The following MAPRE2 variants were observed in gnomAD, a reference collection of about 807,000 sequenced individuals.
MAPRE2 encodes the protein microtubule associated protein RP/EB family member 2, also known as microtubule-associated protein RP/EB family member 2.
MAPRE2 carries 13 observed loss-of-function variants against 43.2 expected under a neutral mutation model. The ratio of observed to expected loss-of-function variants is 0.30; its 90% CI spans 0.20 to 0.48. The LOEUF (loss-of-function observed/expected upper bound fraction) is 0.48. Ranked by LOEUF, MAPRE2 falls within the 20% of genes least tolerant of loss-of-function variation. The pLI is 0.99. For synonymous variants in MAPRE2, 135 were observed against 148.8 expected, an observed-to-expected ratio of 0.91 and a Z score of 0.68; for missense variants, 161 against 400.2, an observed-to-expected ratio of 0.40 and a Z score of 5.10.
At chr18:35,029,474 A>C (rs1237439918) in intron 2 of MAPRE2, among the ~76,000 whole-genome samples, 1 of 152,310 alleles carries the variant, frequency 6.6e-6, no homozygotes, top group African/African-American at 2.4e-5. Context: ...GAACTCTGGA[A>C]GTCCCTGGTA....
intron 1 of MAPRE2, among the ~76,000 whole-genome samples, chr18:35,060,876 A>G (rs145240840): frequency 3.9e-4 from 60 of 152,298 alleles, no homozygotes; most frequent in Non-Finnish European, 7.8e-4. Context: ...GGAATGTCCT[A>G]TTGTAGGCGG....
chr18:35,008,534 A>G (rs928677933), intron 2 of MAPRE2, among the ~76,000 whole-genome samples: 3 of 152,224 alleles, frequency 2.0e-5, no homozygotes, highest in African/African-American at 7.2e-5. Flanking sequence ...TGTGAGTCAC[A>G]GCATCTTTTA....
chr18:35,094,400 A>G (rs943503671), intron 2 of MAPRE2, among the ~76,000 whole-genome samples: 2 of 152,228 alleles, frequency 1.3e-5, no homozygotes, highest in Admixed American at 1.3e-4. Flanking sequence ...TTCTATAGAT[A>G]GTAATACATG....
intron 1 of MAPRE2, chr18:34,978,180 T>G (rs477082): frequency 0.88 from 333,328 of 380,088 alleles, 146,502 homozygotes; most frequent in East Asian, 0.96. Flanking sequence ...CCCTCCCTGA[T>G]TGTCTTCTCT....
intron 4 of MAPRE2, among the ~76,000 whole-genome samples, chr18:35,111,526 G>A (rs1024805384): frequency 2.0e-5 from 3 of 152,118 alleles, no homozygotes; most frequent in Admixed American, 1.3e-4. Context: ...GTGCTCTGAA[G>A]ACTGGATTTT....
intron 2 of MAPRE2, among the ~76,000 whole-genome samples, chr18:35,077,448 C>G (rs1416791017): frequency 6.6e-6 from 1 of 152,064 alleles, no homozygotes; most frequent in African/African-American, 2.4e-5. Context: ...ATAGTAAGAC[C>G]CTGCTGAGAT....
intron 2 of MAPRE2, among the ~76,000 whole-genome samples, chr18:35,014,797 GT>G (rs1358083789): frequency 6.6e-6 from 1 of 152,086 alleles, no homozygotes; most frequent in African/African-American, 2.4e-5. Context: ...TAAGGGTACT[GT>G]GGCCCCAGGG....
chr18:35,100,090 C>T (rs1908604694), intron 3 of MAPRE2, among the ~76,000 whole-genome samples: 1 of 152,164 alleles, frequency 6.6e-6, no homozygotes, highest in African/African-American at 2.4e-5. Flanking sequence ...GTCTGAATCA[C>T]ATGCTTACAC....
chr18:35,020,453 C>T (rs777679006), intron 2 of MAPRE2, among the ~76,000 whole-genome samples: 1 of 151,826 alleles, frequency 6.6e-6, no homozygotes, highest in Non-Finnish European at 1.5e-5. Context: ...CAGGTAATGC[C>T]ATTCATGCAA....
chr18:34,978,558 C>A, intron 1 of MAPRE2: 1 of 1,551,282 alleles, frequency 6.4e-7, no homozygotes, highest in East Asian at 2.4e-5. Context: ...TGAAGAATGG[C>A]AACATTTCCC....
chr18:35,059,466 G>A (rs1032884426), intron 1 of MAPRE2, among the ~76,000 whole-genome samples: 1 of 152,200 alleles, frequency 6.6e-6, no homozygotes, highest in African/African-American at 2.4e-5. Context: ...CATTCATTCA[G>A]CATTTATTTA....
At chr18:35,111,068 T>C (rs1164512181) in intron 4 of MAPRE2, among the ~76,000 whole-genome samples, 1 of 152,190 alleles carries the variant, frequency 6.6e-6, no homozygotes, top group Non-Finnish European at 1.5e-5. Flanking sequence ...GGACTTCATT[T>C]ATCCATATGT....
Position 35,126,983 on chromosome 18 carries a change from T to A in MAPRE2, c.646T>A (p.Ser216Thr), listed in dbSNP as rs748365855. Residue 216 changes from serine (S) to threonine (T), a missense_variant, in exon 5 of 7, where the codon TCC (serine) becomes ACC (threonine). Transcript: ENST00000300249. ...AKSSPAAKPG[S>T]TPSRPSSAKR... is the part of the protein sequence containing the mutation. ...ATCAAGTCCAGCAGCTAAACCAGGA[T>A]CCACACCTTCTCGACCCTCATCAGC... The A allele has an allele frequency of 1.2e-6, 2 of 1,614,166 alleles. No homozygotes were observed. Among genetic ancestry groups the A allele is most frequent in the Non-Finnish European group, 1.7e-6 (2 of 1,180,018 alleles).
intron 1 of MAPRE2, chr18:35,005,393 C>A: frequency 1.6e-6 from 1 of 626,132 alleles, no homozygotes; most frequent in Non-Finnish European, 2.7e-6. Flanking sequence ...TTTTCCATTG[C>A]TGGCCACACC....
rs1199161910 is a variant in MAPRE2 at position 35,142,699 on chromosome 18, C to T, written c.*2330C>T. 1 of 152,202 alleles carries T rather than the reference C, an allele frequency of 6.6e-6. No homozygotes were observed. Among genetic ancestry groups the T allele is most frequent in the Non-Finnish European group, 1.5e-5 (1 of 68,086 alleles). 9.4% of individuals were successfully genotyped at this position (152,202 alleles called of 1,614,324 possible). A position where few individuals can be genotyped will look rare whatever the true frequency, so the allele number is the denominator to read the frequency against. On this transcript the variant is annotated 3_prime_UTR_variant, in exon 7 of 7. Transcript: ENST00000300249. ...TAAACGTCTTCTGTTGTGCTGCACC[C>T]CAGATGGTGTCTCAGATGCTTTGGG... is the stretch of plus-strand genomic sequence containing the variant.
At position 35,005,254 on chromosome 18, in the gene MAPRE2, TAATC is replaced by T. The variant is rs1256206988; in HGVS notation, c.-69-234_-69-231del. 5.7e-4 allele frequency among the ~76,000 whole-genome samples: 87 copies of T among 152,352 alleles called. 1 individual carries two copies. Among genetic ancestry groups the T allele is most frequent in the African/African-American group, 2.0e-3 (83 of 41,588 alleles). ...ATTATACTAAATTTTTATCAACTAT[TAATC>T]AATATAAGAATTGATCTAATAATAT... On this transcript the variant is annotated intron_variant, in intron 1 of 7. Transcript: ENST00000413393.
chr18:34,993,326 C>G (rs2097024763), intron 1 of MAPRE2, among the ~76,000 whole-genome samples: 1 of 143,428 alleles, frequency 7.0e-6, no homozygotes, highest in Admixed American at 7.3e-5. Flanking sequence ...TGGTCTAGAT[C>G]TCCTCGGCTC....
At chr18:35,083,832 T>C (rs1907751617) in intron 2 of MAPRE2, among the ~76,000 whole-genome samples, 1 of 152,208 alleles carries the variant, frequency 6.6e-6, no homozygotes, top group Admixed American at 6.5e-5. Flanking sequence ...AAAATTTACT[T>C]TTTAATAAAA....
At chr18:35,066,049 A>G (rs1425646565) in intron 1 of MAPRE2, among the ~76,000 whole-genome samples, 2 of 152,244 alleles carry the variant, frequency 1.3e-5, no homozygotes, top group Non-Finnish European at 2.9e-5. Context: ...AGATCCAAAC[A>G]TGAGAATAAA....
Sources: gnomAD v4.1 joint callset for allele counts (sites outside exome capture counted in the v4.1 genomes callset) on GRCh38, gnomAD v4.1.1 for gene constraint, MANE v1.5 for transcripts, NCBI Gene and HGNC (gene_info 2026-07-23, HGNC 2026-07-21) for gene names.